Variants in NUP98 observed in about 807,000 individuals in gnomAD.
NUP98 encodes nucleoporin 98 and 96 precursor.
In NUP98, 26 loss-of-function variants were observed where a neutral mutation model predicts 191.9. The observed-to-expected ratio is 0.14, with a 90% CI of 0.10 to 0.19. The LOEUF (loss-of-function observed/expected upper bound fraction) is 0.19. NUP98 is among the 10% of genes least tolerant of loss of function. The probability of loss-of-function intolerance (pLI) is 1.00; values close to 1 mark genes in which losing one functional copy is unlikely to be tolerated. For synonymous variants in NUP98, 808 were observed against 778.4 expected (o/e 1.04, Z -0.63); for missense variants, 1,941 against 2,178.8 (o/e 0.89, Z 2.17).
intron 23 of NUP98, among the ~76,000 whole-genome samples, chr11:3,701,255 ATTTTTTTTTTT>A (rs71041374): frequency 7.9e-6 from 1 of 125,860 alleles, no homozygotes; most frequent in Middle Eastern, 3.7e-3. Flanking sequence ...GCTTGTTCCA[ATTTTTTTTTTT>A]TTTTTTTTTT....
chr11:3,677,241 A>T (rs1691746633), intron 31 of NUP98, among the ~76,000 whole-genome samples: 1 of 152,172 alleles, frequency 6.6e-6, no homozygotes, highest in African/African-American at 2.4e-5. Context: ...TAAGGAGGTC[A>T]TATTTAAATT....
At chr11:3,760,831 G>A (rs1319259057) in intron 9 of NUP98, among the ~76,000 whole-genome samples, 1 of 152,106 alleles carries the variant, frequency 6.6e-6, no homozygotes, top group Non-Finnish European at 1.5e-5. Flanking sequence ...AATGCTTCTG[G>A]CCTGAAAAGT....
At chr11:3,732,780 A>T (rs996365063) in intron 13 of NUP98, among the ~76,000 whole-genome samples, 2 of 152,324 alleles carry the variant, frequency 1.3e-5, no homozygotes, top group African/African-American at 4.8e-5. Context: ...AACCACTTCA[A>T]ATAACAATGT....
Position 3,755,371 on chromosome 11 carries a change from GGA to G in NUP98, c.1175-1965_1175-1964del, listed in dbSNP as rs536478594. ...CCCAGCAATTTGGGAGGCTGACGCA[GGA>G]AGATCGCTTGAACCAAGGAGGCAGA... On this transcript the variant is annotated intron_variant, in intron 10 of 32. Transcript: ENST00000324932. 1.2e-4 allele frequency among the ~76,000 whole-genome samples: 18 copies of G among 151,976 alleles called. No individual in the cohort carries two copies. In the South Asian group the frequency reaches 3.1e-3, roughly 26 times the overall value.
At chr11:3,766,313 C>T (rs2081337881) in intron 8 of NUP98, among the ~76,000 whole-genome samples, 1 of 152,034 alleles carries the variant, frequency 6.6e-6, no homozygotes, top group Non-Finnish European at 1.5e-5. Context: ...GCGGAGGACG[C>T]AGTGAACTGA....
chr11:3,689,727 A>C (rs1467901841), intron 28 of NUP98, among the ~76,000 whole-genome samples: 1 of 151,776 alleles, frequency 6.6e-6, no homozygotes, highest in East Asian at 2.0e-4. Flanking sequence ...TGCAGGCTCG[A>C]CTTCCCAGGC....
chr11:3,714,599 T>A (rs191892692), intron 18 of NUP98, among the ~76,000 whole-genome samples: 24 of 152,320 alleles, frequency 1.6e-4, no homozygotes, highest in African/African-American at 5.3e-4. Flanking sequence ...CAAATACTAC[T>A]CTACTTTGTT....
At chr11:3,735,514 T>C (rs1039784596) in intron 12 of NUP98, among the ~76,000 whole-genome samples, 190 bp from the exon 13 acceptor site, 1 of 152,002 alleles carries the variant, frequency 6.6e-6, no homozygotes, top group Admixed American at 6.6e-5. Flanking sequence ...AATAAGCTAA[T>C]AGGTCAAATT....
At chr11:3,695,011 A>C (rs960346112) in intron 26 of NUP98, among the ~76,000 whole-genome samples, 5 of 152,208 alleles carry the variant, frequency 3.3e-5, no homozygotes, top group Admixed American at 2.0e-4. Flanking sequence ...GTAGACTTAA[A>C]AACTAGCTGT....
At chr11:3,702,406 A>C in intron 23 of NUP98, 57 bp downstream of exon 23, 1 of 1,355,778 alleles carries the variant, frequency 7.4e-7, no homozygotes, top group Non-Finnish European at 1.0e-6. Context: ...CCTCCTGATT[A>C]GTTTTTTTCA....
intron 12 of NUP98, 123 bp downstream of exon 12, chr11:3,744,386 T>TGCA (rs2080409117): frequency 1.0e-6 from 1 of 956,874 alleles, no homozygotes; most frequent in Non-Finnish European, 1.5e-6. Context: ...TACTACCCAA[T>TGCA]TGTTTAATGA....
At chr11:3,720,852 G>GAA in intron 16 of NUP98, 27 bp from the exon 17 acceptor site, 11 of 601,442 alleles carry the variant, frequency 1.8e-5, no homozygotes, top group East Asian at 3.6e-5. Flanking sequence ...AAAAAAAACA[G>GAA]AAAAAAAAAT....
At chr11:3,731,030 G>A (rs1164665810) in intron 14 of NUP98, among the ~76,000 whole-genome samples, 3 of 152,174 alleles carry the variant, frequency 2.0e-5, no homozygotes, top group Non-Finnish European at 4.4e-5. Context: ...ACTTTGGGAG[G>A]CCAGGCGGCA....
intron 18 of NUP98, 119 bp from the exon 19 acceptor site, chr11:3,714,114 T>C: frequency 9.9e-7 from 1 of 1,011,752 alleles, no homozygotes; most frequent in African/African-American, 1.6e-5. Flanking sequence ...TTGGAATTAT[T>C]CTGCATGTGT....
In NUP98 at chr11:3,728,677, T is replaced by C. The variant is rs1005868764; in HGVS notation, c.1730+2714A>G. On this transcript the variant is annotated intron_variant, in intron 14 of 32. Coordinates refer to ENST00000324932, the MANE Select transcript of NUP98 (RefSeq NM_016320.5). ...TGGAGTGAACCCAGGAGGCAGAGCTTGCAGTGAGCCGAGATGGGGCCACTG... is the reference window on the plus strand; with the variant it reads ...TGGAGTGAACCCAGGAGGCAGAGCTCGCAGTGAGCCGAGATGGGGCCACTG... Among the ~76,000 whole-genome samples, 4 of 152,024 alleles carry C rather than the reference T, an allele frequency of 2.6e-5. No individual in the cohort carries two copies. In the East Asian group the frequency reaches 7.7e-4, roughly 29 times the overall value.
At chr11:3,782,498 A>C (rs1387196073) in intron 1 of NUP98, among the ~76,000 whole-genome samples, 1 of 151,702 alleles carries the variant, frequency 6.6e-6, no homozygotes, top group Non-Finnish European at 1.5e-5. Context: ...TATGATCCTC[A>C]TAGGAGGTTA....
intron 1 of NUP98, among the ~76,000 whole-genome samples, chr11:3,784,529 C>G (rs1256812608): frequency 6.7e-6 from 1 of 149,714 alleles, no homozygotes; most frequent in African/African-American, 2.5e-5. Context: ...GCAGGATGAT[C>G]TGCTTAAAGC....
At position 3,771,758 on chromosome 11, in the gene NUP98, G is replaced by C; in HGVS notation, c.774C>G (p.Ala258=). 6.8e-6 allele frequency: 11 copies of C among 1,614,008 alleles called. No individual in the cohort carries two copies. The highest frequency in any genetic ancestry group is 8.5e-6 in the Non-Finnish European group (10 of 1,179,918). Residue 258 remains alanine (A), a synonymous_variant, in exon 7 of 33, where the codon GCC becomes GCG. Coordinates refer to ENST00000324932, the MANE Select transcript of NUP98 (RefSeq NM_016320.5). ...ATATCAAGTGCTTACTAGTTCCAAA[G>C]GCAGTTTTGTTCTGACCATATGCAA... The part of the protein sequence containing the change: ...SGFAYGQNKT[A]FGTSTTGFGT...
intron 8 of NUP98, among the ~76,000 whole-genome samples, chr11:3,765,116 A>AT: frequency 6.6e-6 from 1 of 152,314 alleles, no homozygotes; most frequent in Middle Eastern, 3.4e-3. Flanking sequence ...CACATGTATG[A>AT]TTTTCAAGTA....
Sources: allele counts gnomAD v4.1 joint callset (sites outside exome capture counted in the v4.1 genomes callset), GRCh38; gene constraint gnomAD v4.1.1; transcripts MANE v1.5; gene names NCBI Gene and HGNC (gene_info 2026-07-23, HGNC 2026-07-21).